Variants in DLG2 observed in about 807,000 individuals in gnomAD.
DLG2 encodes disks large homolog 2.
A neutral mutation model predicts 132.5 loss-of-function variants in DLG2; 45 were observed. The ratio of observed to expected loss-of-function variants is 0.34; its 90% CI spans 0.27 to 0.44. The LOEUF is 0.44. Ranked by LOEUF, DLG2 falls within the 20% of genes least tolerant of loss-of-function variation. The probability of loss-of-function intolerance (pLI) is 1.00; values close to 1 mark genes in which losing one functional copy is unlikely to be tolerated. For synonymous variants in DLG2, 424 were observed against 419.6 expected (o/e 1.01, Z -0.13); for missense variants, 1,045 against 1,196.9 (o/e 0.87, Z 1.87).
intron 3 of DLG2, among the ~76,000 whole-genome samples, chr11:85,479,967 C>A (rs1259495159): frequency 6.6e-6 from 1 of 152,092 alleles, no homozygotes; most frequent in African/African-American, 2.4e-5. Flanking sequence ...ATTTAATTAC[C>A]TCTTTTAAAG....
At chr11:84,249,226 T>C (rs1567061913) in intron 8 of DLG2, among the ~76,000 whole-genome samples, 1 of 152,202 alleles carries the variant, frequency 6.6e-6, no homozygotes, top group Non-Finnish European at 1.5e-5. Flanking sequence ...ACAATGGCTA[T>C]AGTGAAGAGA....
intron 12 of DLG2, among the ~76,000 whole-genome samples, chr11:83,970,817 G>A (rs1343408441): frequency 6.6e-6 from 1 of 152,140 alleles, no homozygotes; most frequent in Non-Finnish European, 1.5e-5. Flanking sequence ...AATTTTCGCT[G>A]ATCATTTTCT....
intron 6 of DLG2, among the ~76,000 whole-genome samples, chr11:84,858,239 C>T (rs1013818904): frequency 6.6e-6 from 1 of 151,656 alleles, no homozygotes; most frequent in Non-Finnish European, 1.5e-5. Context: ...CCTTAAGGGC[C>T]AAGTTTAGAA....
At chr11:84,251,180 C>A in intron 8 of DLG2, 58 bp downstream of exon 8, 1 of 1,044,182 alleles carries the variant, frequency 9.6e-7, no homozygotes, top group Non-Finnish European at 1.4e-6. Context: ...AATTTAAATT[C>A]AGCCAATTAA....
At chr11:85,454,011 A>T (rs2092338778) in intron 3 of DLG2, among the ~76,000 whole-genome samples, 1 of 151,932 alleles carries the variant, frequency 6.6e-6, no homozygotes, top group African/African-American at 2.4e-5. Context: ...TCTGACTTGT[A>T]AGTAAGAACA....
intron 18 of DLG2, among the ~76,000 whole-genome samples, chr11:83,774,634 C>A (rs1003198778): frequency 6.6e-6 from 1 of 152,072 alleles, no homozygotes; most frequent in Non-Finnish European, 1.5e-5. Context: ...TGCTGCTTCC[C>A]AAACTCTGTG....
intron 3 of DLG2, among the ~76,000 whole-genome samples, chr11:85,574,574 T>G (rs1276201238): frequency 6.6e-6 from 1 of 152,140 alleles, no homozygotes; most frequent in Non-Finnish European, 1.5e-5. Context: ...ATATGGGAGG[T>G]AGGGCCTAGT....
chr11:84,578,229 C>A (rs1565352090), intron 6 of DLG2, among the ~76,000 whole-genome samples: 1 of 136,356 alleles, frequency 7.3e-6, no homozygotes, highest in Non-Finnish European at 1.6e-5. Context: ...TCAGACCCCC[C>A]ACCCCATACA....
At chr11:84,097,775 C>T (rs2097185880) in intron 10 of DLG2, among the ~76,000 whole-genome samples, 1 of 152,166 alleles carries the variant, frequency 6.6e-6, no homozygotes, top group South Asian at 2.1e-4. Context: ...AGGGGATTTA[C>T]AACCTAGCAG....
intron 4 of DLG2, among the ~76,000 whole-genome samples, chr11:85,218,614 T>C (rs962445700): frequency 1.3e-5 from 2 of 152,134 alleles, no homozygotes; most frequent in African/African-American, 2.4e-5. Context: ...TACACTATTG[T>C]TGAGAATGTA....
intron 6 of DLG2, among the ~76,000 whole-genome samples, chr11:84,743,434 T>C (rs941516537): frequency 3.3e-5 from 5 of 152,218 alleles, no homozygotes; most frequent in Non-Finnish European, 7.3e-5. Flanking sequence ...TATTCTGATT[T>C]GGCTATCAAC....
At chr11:84,214,206 C>CAT (rs925726700) in intron 8 of DLG2, among the ~76,000 whole-genome samples, 3 of 130,756 alleles carry the variant, frequency 2.3e-5, no homozygotes, top group East Asian at 4.0e-4. Flanking sequence ...TATATATATA[C>CAT]ATATATATAT....
intron 21 of DLG2, among the ~76,000 whole-genome samples, chr11:83,531,279 C>G (rs1385536720): frequency 1.3e-5 from 2 of 151,852 alleles, no homozygotes; most frequent in East Asian, 3.8e-4. Flanking sequence ...GGTTTAATAA[C>G]CCAACTATAT....
intron 17 of DLG2, among the ~76,000 whole-genome samples, chr11:83,826,808 G>C (rs933979162): frequency 6.6e-6 from 1 of 152,144 alleles, no homozygotes; most frequent in African/African-American, 2.4e-5. Flanking sequence ...TTGAAGATGA[G>C]AGAAGAGAAG....
At chr11:85,382,112 T>A (rs1201187035) in intron 3 of DLG2, among the ~76,000 whole-genome samples, 1 of 152,104 alleles carries the variant, frequency 6.6e-6, no homozygotes, top group Non-Finnish European at 1.5e-5. Flanking sequence ...GAACTCACAC[T>A]TCCCTATTTC....
At chr11:83,754,070 C>T (rs2093546660) in intron 18 of DLG2, among the ~76,000 whole-genome samples, 1 of 150,010 alleles carries the variant, frequency 6.7e-6, no homozygotes, top group East Asian at 1.9e-4. Flanking sequence ...TTGCCCTAAA[C>T]ATGGAGCTTA....
intron 21 of DLG2, among the ~76,000 whole-genome samples, chr11:83,523,758 C>G (rs1164541642): frequency 7.2e-5 from 11 of 152,144 alleles, no homozygotes; most frequent in African/African-American, 2.7e-4. Flanking sequence ...GTGTGTTCTT[C>G]TAGAAATTCC....
chr11:84,457,895 A>G (rs2099069702), intron 7 of DLG2, among the ~76,000 whole-genome samples: 1 of 150,964 alleles, frequency 6.6e-6, no homozygotes, highest in African/African-American at 2.4e-5. Context: ...GAATACATCT[A>G]TATTTTAATA....
intron 18 of DLG2, among the ~76,000 whole-genome samples, chr11:83,653,340 T>C (rs755015960): frequency 2.0e-5 from 3 of 152,218 alleles, no homozygotes; most frequent in African/African-American, 4.8e-5. Context: ...AATTCACAAA[T>C]AGACCGTCTT....
Sources: allele counts gnomAD v4.1 joint callset (sites outside exome capture counted in the v4.1 genomes callset), GRCh38; gene constraint gnomAD v4.1.1; transcripts MANE v1.5; gene names NCBI Gene and HGNC (gene_info 2026-07-23, HGNC 2026-07-21).